ORC3: variants seen among roughly 807,000 people sequenced by gnomAD.
ORC3 encodes homolog of latheo, Drosophila.
ORC3 carries 78 observed loss-of-function variants against 100.7 expected under a neutral mutation model. The ratio of observed to expected loss-of-function variants is 0.77; its 90% confidence interval spans 0.65 to 0.94. The LOEUF (loss-of-function observed/expected upper bound fraction) is 0.94. Ranked by LOEUF, ORC3 falls within the 40% of genes least tolerant of loss-of-function variation. The probability of loss-of-function intolerance (pLI) is 0.00; values close to 1 mark genes in which losing one functional copy is unlikely to be tolerated. For synonymous variants in ORC3, 295 were observed against 289.3 expected (o/e 1.02, Z -0.20); for missense variants, 789 against 823.9 (o/e 0.96, Z 0.52).
intron 11 of ORC3, among the ~76,000 whole-genome samples, chr6:87,631,931 G>A (rs907731849): frequency 3.3e-5 from 5 of 152,168 alleles, no homozygotes; most frequent in African/African-American, 9.6e-5. Context: ...GGGAGGCCAA[G>A]GTGGGCAGAT....
the ORC3 span, chr6:87,677,798 C>CTT: frequency 1.2e-6 from 2 of 1,608,614 alleles, no homozygotes; most frequent in Admixed American, 3.4e-5. Context: ...CTCAGAAACT[C>CTT]TAATAAACAC....
Position 87,655,721 on chromosome 6 carries a change from C to T in ORC3, c.1517-1185C>T, listed in dbSNP as rs762091607. Among the ~76,000 whole-genome samples, 58 of 151,068 alleles carry T rather than the reference C, an allele frequency of 3.8e-4. 1 individual carries two copies. Among genetic ancestry groups the T allele is most frequent in the African/African-American group, 1.2e-3 (49 of 41,138 alleles). ...CTCACTATGTTTCCCAGCCTGGTCT[C>T]GAACTCCTTGTCTCAAGTGATCCTC... is the stretch of plus-strand genomic sequence containing the variant. On this transcript the variant is annotated intron_variant, in intron 14 of 19. Coordinates refer to ENST00000392844, the MANE Select transcript of ORC3 (RefSeq NM_012381.4).
At chr6:87,621,236 T>C in intron 9 of ORC3, 118 bp from the exon 10 acceptor site, 5 of 596,996 alleles carry the variant, frequency 8.4e-6, no homozygotes, top group Admixed American at 3.4e-5. Context: ...TTATTAAATA[T>C]ATTAGTGCCA....
At chr6:87,657,835 G>T (rs1045872294) in intron 15 of ORC3, 86 bp from the exon 16 acceptor site, 1 of 665,302 alleles carries the variant, frequency 1.5e-6, no homozygotes. Context: ...GGCATCAGGT[G>T]CTTCTATAGA....
At chr6:87,591,107 A>C (rs1477351010) in intron 1 of ORC3, among the ~76,000 whole-genome samples, 1 of 152,260 alleles carries the variant, frequency 6.6e-6, no homozygotes, top group Admixed American at 6.5e-5. Flanking sequence ...ACCACATTTC[A>C]AGTGCTCAAT....
chr6:87,649,303 C>A (rs1432049864), intron 13 of ORC3, among the ~76,000 whole-genome samples: 1 of 152,188 alleles, frequency 6.6e-6, no homozygotes, highest in Non-Finnish European at 1.5e-5. Context: ...TTCTGTTGAC[C>A]TGTCTATTCC....
At chr6:87,619,027 T>G (rs1375251923) in intron 9 of ORC3, among the ~76,000 whole-genome samples, 1 of 152,176 alleles carries the variant, frequency 6.6e-6, no homozygotes, top group Non-Finnish European at 1.5e-5. Flanking sequence ...GGACTTATCC[T>G]TAAAAGGTGG....
chr6:87,601,497 C>G (rs1777891949), intron 2 of ORC3, among the ~76,000 whole-genome samples: 1 of 151,992 alleles, frequency 6.6e-6, no homozygotes, highest in African/African-American at 2.4e-5. Flanking sequence ...ATGGTGAAAC[C>G]CCATCTCTAC....
intron 13 of ORC3, among the ~76,000 whole-genome samples, chr6:87,644,820 G>A (rs1768624197): frequency 1.3e-5 from 2 of 152,088 alleles, no homozygotes; most frequent in South Asian, 4.2e-4. Flanking sequence ...GTGCACTCTA[G>A]GCTGGGTGAC....
At position 87,601,632 on chromosome 6, in the gene ORC3, A is replaced by G. The variant is rs549299104; in HGVS notation, c.80-152A>G. On this transcript the variant is annotated intron_variant, in intron 2 of 19. Transcript: ENST00000392844. ...GATCGCACTGAGCCAACATCATGCCACTGCACTCCAGCCTGGGTGACAGAG... is the reference window on the plus strand; with the variant it reads ...GATCGCACTGAGCCAACATCATGCCGCTGCACTCCAGCCTGGGTGACAGAG... 3.3e-5 allele frequency: 19 copies of G among 581,060 alleles called. No homozygotes were observed. In the African/African-American group the frequency reaches 3.6e-4, roughly 11 times the overall value. The allele number at this position is 581,060 out of a possible 1,614,324, so 36.0% of individuals were successfully genotyped here.
intron 11 of ORC3, among the ~76,000 whole-genome samples, chr6:87,630,763 C>T (rs987652611): frequency 6.6e-6 from 1 of 152,122 alleles, no homozygotes; most frequent in Non-Finnish European, 1.5e-5. Flanking sequence ...ACAGAGCTTG[C>T]CACTCAAGAA....
intron 8 of ORC3, among the ~76,000 whole-genome samples, chr6:87,615,116 G>T (rs9450760): frequency 2.0e-5 from 3 of 152,046 alleles, no homozygotes; most frequent in Admixed American, 6.5e-5. Flanking sequence ...CATGGTGGAA[G>T]GCAAGGAGGA....
rs757119067 is a variant in ORC3 at position 87,590,185 on chromosome 6, T to C, written c.17T>C (p.Met6Thr). The C allele has an allele frequency of 9.9e-6, 16 of 1,613,990 alleles. No homozygotes were observed. Among genetic ancestry groups the C allele is most frequent in the Non-Finnish European group, 1.3e-5 (15 of 1,179,854 alleles). MATSS[M>T]SKGCFVFKPN... ...AGTAAGACCATGGCTACGTCCTCGATGTCTAAGGTATGTGGTGGCCGATGC... is the reference window on the plus strand; with the variant it reads ...AGTAAGACCATGGCTACGTCCTCGACGTCTAAGGTATGTGGTGGCCGATGC... The change falls in exon 1 of 20, where the codon ATG (methionine) becomes ACG (threonine). Residue 6 changes from methionine to threonine, a missense_variant. Around this residue, in one of 3 missense-constraint regions of ORC3, gnomAD observed 399 missense variants for 382.0 expected, o/e 1.04. Transcript: ENST00000392844.
the ORC3 span, chr6:87,674,995 GA>G: frequency 9.3e-4 from 122 of 131,254 alleles, no homozygotes; most frequent in African/African-American, 2.1e-3. Flanking sequence ...TGATACACTG[GA>G]AAAAAAAAAA....
At chr6:87,664,880 C>G in intron 18 of ORC3, 21 bp downstream of exon 18, 5 of 1,425,796 alleles carry the variant, frequency 3.5e-6, no homozygotes, top group Non-Finnish European at 4.9e-6. Flanking sequence ...GGGAAAAGAA[C>G]AAGCTAGATA....
intron 14 of ORC3, among the ~76,000 whole-genome samples, chr6:87,656,601 TTTTTTTTGAGAC>T (rs1769716423): frequency 6.6e-6 from 1 of 152,078 alleles, no homozygotes; most frequent in Non-Finnish European, 1.5e-5. Flanking sequence ...AAAAAAATTT[TTTTTTTTGAGAC>T]TTTTTGCTGT....
intron 13 of ORC3, among the ~76,000 whole-genome samples, chr6:87,652,602 T>C (rs1375999132): frequency 6.6e-6 from 1 of 152,234 alleles, no homozygotes; most frequent in Non-Finnish European, 1.5e-5. Context: ...TTTGGTTCTT[T>C]CAAACAAGTT....
chr6:87,600,265 C>A (rs9444523), intron 2 of ORC3, among the ~76,000 whole-genome samples: 1 of 151,888 alleles, frequency 6.6e-6, no homozygotes, highest in Non-Finnish European at 1.5e-5. Context: ...CAATAAAATA[C>A]GTAGCAGTAA....
intron 14 of ORC3, 23 bp downstream of exon 14, chr6:87,653,272 A>C (rs947740625): frequency 1.2e-6 from 2 of 1,606,186 alleles, no homozygotes; most frequent in African/African-American, 1.3e-5. Flanking sequence ...TATCCTTCCA[A>C]TTCTATTGGC....
Sources: gnomAD v4.1 joint callset for allele counts (sites outside exome capture counted in the v4.1 genomes callset) on GRCh38, gnomAD v4.1.1 for gene constraint, gnomAD v4.1.1 regional missense constraint, MANE v1.5 for transcripts, NCBI Gene and HGNC (gene_info 2026-07-23, HGNC 2026-07-21) for gene names.